PATJ: variants seen among roughly 807,000 people sequenced by gnomAD.
PATJ encodes the protein inaD-like protein.
Under a neutral mutation model 224.9 loss-of-function variants are expected in PATJ, and 190 were observed. The ratio of observed to expected loss-of-function variants is 0.84; its 90% confidence interval spans 0.75 to 0.95. The LOEUF is 0.95. PATJ is among the 40% of genes least tolerant of loss of function. PATJ has a pLI of 0.00. For synonymous variants in PATJ, 769 were observed against 820.3 expected (o/e 0.94, Z 1.07); for missense variants, 2,121 against 2,270.3 (o/e 0.93, Z 1.34).
intron 29 of PATJ, among the ~76,000 whole-genome samples, chr1:62,034,385 G>C (rs1358263477): frequency 6.8e-6 from 1 of 147,854 alleles, no homozygotes; most frequent in African/African-American, 2.5e-5. Flanking sequence ...GGAGGCTGCA[G>C]TGAGCCGAGA....
intron 31 of PATJ, chr1:62,078,801 A>G (rs1219045075): frequency 6.7e-6 from 1 of 150,352 alleles, no homozygotes; most frequent in Non-Finnish European, 1.5e-5. Flanking sequence ...TTGAGTCCCT[A>G]CTATGTTCCA....
chr1:61,994,985 T>C (rs1473099174), intron 28 of PATJ, among the ~76,000 whole-genome samples: 1 of 152,234 alleles, frequency 6.6e-6, no homozygotes, highest in Admixed American at 6.5e-5. Context: ...TTTGCAATTA[T>C]TACTCTATGA....
intron 39 of PATJ, among the ~76,000 whole-genome samples, chr1:62,124,396 T>C (rs72677957): frequency 0.033 from 5,068 of 152,314 alleles, 107 homozygotes; most frequent in Non-Finnish European, 0.044. Context: ...AGTAGACTTT[T>C]ATTTTGCTCA....
chr1:61,807,388 T>G (rs535745916), intron 13 of PATJ, among the ~76,000 whole-genome samples: 7 of 152,166 alleles, frequency 4.6e-5, no homozygotes, highest in African/African-American at 1.7e-4. Context: ...TGTTGCCCAG[T>G]CTGGTCTCGA....
chr1:61,747,422 C>G (rs1039692242), intron 1 of PATJ, among the ~76,000 whole-genome samples: 1 of 152,154 alleles, frequency 6.6e-6, no homozygotes, highest in Non-Finnish European at 1.5e-5. Context: ...TAACGCTTGA[C>G]AAGTCATTTA....
rs1409487125 is a variant in PATJ, at chr1:62,123,008, T to TGC, written c.5006-12_5006-11dup. On this transcript the variant is annotated splice_polypyrimidine_tract_variant and intron_variant, in intron 38 of 43. Transcript: ENST00000642238. The stretch of plus-strand genomic sequence containing the variant: ...TTTAATATTAAAAAGTTAATTGTGT[T>TGC]GCTTCTTTATAGGCACAGATATGGA... 4 of 1,553,536 alleles carry TGC rather than the reference T, an allele frequency of 2.6e-6. No individual in the cohort carries two copies. In the Admixed American group the frequency reaches 7.0e-5, roughly 27 times the overall value.
chr1:62,106,800 G>A (rs1327058991), intron 33 of PATJ, among the ~76,000 whole-genome samples: 1 of 152,086 alleles, frequency 6.6e-6, no homozygotes, highest in Non-Finnish European at 1.5e-5. Flanking sequence ...CAGAAGTCCT[G>A]CTGCTTGACT....
chr1:62,101,569 T>G (rs760484385), intron 33 of PATJ, among the ~76,000 whole-genome samples: 8 of 152,168 alleles, frequency 5.3e-5, no homozygotes, highest in Non-Finnish European at 7.4e-5. Context: ...AGCCTAAAGA[T>G]AGTAGTTTCT....
chr1:61,901,636 T>C (rs1671166257), intron 24 of PATJ, among the ~76,000 whole-genome samples, 177 bp downstream of exon 24: 1 of 152,026 alleles, frequency 6.6e-6, no homozygotes. Context: ...CTCAAGTGAG[T>C]GTGGGCAGGG....
At chr1:61,809,645 C>T (rs1486210209) in intron 14 of PATJ, among the ~76,000 whole-genome samples, 1 of 151,960 alleles carries the variant, frequency 6.6e-6, no homozygotes, top group African/African-American at 2.4e-5. Flanking sequence ...CCTTGGCCTC[C>T]CAAAGTGCTG....
intron 33 of PATJ, among the ~76,000 whole-genome samples, chr1:62,094,606 C>G (rs1005342648): frequency 2.1e-3 from 295 of 138,302 alleles, no homozygotes; most frequent in African/African-American, 7.7e-3. Flanking sequence ...CACACACACA[C>G]ACAGAGATGT....
intron 16 of PATJ, chr1:61,833,420 T>TA (rs1037050481): frequency 1.5e-4 from 48 of 329,194 alleles, no homozygotes; most frequent in Middle Eastern, 8.5e-4. Flanking sequence ...TTCACATTAA[T>TA]AAAAAAAACT....
At chr1:62,145,390 G>T (rs1348955731) in intron 41 of PATJ, among the ~76,000 whole-genome samples, 1 of 152,208 alleles carries the variant, frequency 6.6e-6, no homozygotes, top group Non-Finnish European at 1.5e-5. Flanking sequence ...GGCCAGGTAA[G>T]GTGGCTCACG....
intron 42 of PATJ, among the ~76,000 whole-genome samples, chr1:62,150,388 A>G (rs1668496615): frequency 6.6e-6 from 1 of 152,186 alleles, no homozygotes; most frequent in Non-Finnish European, 1.5e-5. Context: ...CCATAGTTAT[A>G]AAAGATAACT....
intron 28 of PATJ, 82 bp downstream of exon 28, chr1:61,990,446 G>A: frequency 1.0e-5 from 9 of 875,346 alleles, no homozygotes; most frequent in Non-Finnish European, 1.5e-5. Context: ...GAGGTGAAAG[G>A]GAAGAATGAT....
intron 1 of PATJ, 113 bp downstream of exon 1, chr1:61,742,668 C>A (rs760927099): frequency 0.092 from 13,973 of 151,822 alleles, 685 homozygotes; most frequent in Middle Eastern, 0.11. Flanking sequence ...CTGCCCTGCC[C>A]CCGCGCTCTC....
At chr1:62,065,339 C>T (rs1427760166) in intron 31 of PATJ, among the ~76,000 whole-genome samples, 2 of 152,048 alleles carry the variant, frequency 1.3e-5, no homozygotes, top group East Asian at 1.9e-4. Flanking sequence ...GGCTGGGTGC[C>T]GTGGCTCATG....
intron 14 of PATJ, among the ~76,000 whole-genome samples, chr1:61,809,521 A>G (rs547912587): frequency 1.1e-3 from 172 of 149,576 alleles, no homozygotes; most frequent in African/African-American, 2.7e-3. Flanking sequence ...TCTAGTAGCT[A>G]GGATTACAGG....
chr1:61,971,546 C>T (rs1682974905), intron 27 of PATJ, among the ~76,000 whole-genome samples: 1 of 151,844 alleles, frequency 6.6e-6, no homozygotes, highest in African/African-American at 2.4e-5. Context: ...CCTGTGAGGT[C>T]GAGGCTGCAA....
Sources: allele counts gnomAD v4.1 joint callset (sites outside exome capture counted in the v4.1 genomes callset), GRCh38; gene constraint gnomAD v4.1.1; transcripts MANE v1.5; gene names NCBI Gene and HGNC (gene_info 2026-07-23, HGNC 2026-07-21).